Variants in TSPEAR observed in about 807,000 individuals in gnomAD.
TSPEAR encodes the protein thrombospondin-type laminin G domain and EAR repeat-containing protein.
TSPEAR carries 69 observed loss-of-function variants against 71.6 expected under a neutral mutation model. That is an observed-to-expected ratio of 0.96 (90% CI 0.79 to 1.18). The LOEUF (loss-of-function observed/expected upper bound fraction) is 1.18, where lower values mean the gene tolerates loss of function less well. Among genes scored for constraint, TSPEAR ranks in the 50% most tolerant of loss-of-function variants. The pLI, the probability that TSPEAR is intolerant of heterozygous loss-of-function variation, is 0.00. For missense variants in TSPEAR, 971 were observed against 894.9 expected, an observed-to-expected ratio of 1.09 and a Z score of -1.09; for synonymous variants, 402 against 387.2, an observed-to-expected ratio of 1.04 and a Z score of -0.45.
intron 1 of TSPEAR, among the ~76,000 whole-genome samples, chr21:44,615,320 C>T (rs917730991): frequency 2.6e-5 from 4 of 152,244 alleles, no homozygotes; most frequent in African/African-American, 9.6e-5. Context: ...AGCGCGAGTG[C>T]CCAGGCTGCG....
At chr21:44,654,004 G>C (rs1555941963) in intron 1 of TSPEAR, among the ~76,000 whole-genome samples, 1 of 152,238 alleles carries the variant, frequency 6.6e-6, no homozygotes, top group Non-Finnish European at 1.5e-5. Flanking sequence ...TGAGCACTCA[G>C]CATCTGGTAT....
intron 3 of TSPEAR, among the ~76,000 whole-genome samples, chr21:44,531,760 T>C (rs1215318152): frequency 3.9e-5 from 6 of 152,176 alleles, no homozygotes; most frequent in African/African-American, 1.4e-4. Flanking sequence ...CTGGGACAGA[T>C]GGCTTCAGGA....
intron 1 of TSPEAR, among the ~76,000 whole-genome samples, chr21:44,630,152 A>T (rs1006678187): frequency 1.3e-5 from 2 of 152,212 alleles, no homozygotes; most frequent in Non-Finnish European, 2.9e-5. Flanking sequence ...GGGCAGGGGC[A>T]TCCTGTGGTG....
chr21:44,587,670 A>AAT (rs1276566189), intron 1 of TSPEAR, among the ~76,000 whole-genome samples: 9 of 152,376 alleles, frequency 5.9e-5, no homozygotes, highest in African/African-American at 1.9e-4. Flanking sequence ...TTGGTATAAA[A>AAT]ATAGGCACAT....
At chr21:44,677,412 G>A (rs1986368769) in intron 1 of TSPEAR, 16 of 1,054,742 alleles carry the variant, frequency 1.5e-5, no homozygotes, top group South Asian at 7.7e-5. Flanking sequence ...AGCTGCAATC[G>A]CCTGCAGAGT....
chr21:44,671,665 A>C (rs73233100), intron 1 of TSPEAR, among the ~76,000 whole-genome samples: 5,993 of 152,280 alleles, frequency 0.039, 129 homozygotes, highest in Middle Eastern at 0.085. Flanking sequence ...AAGTATTCCA[A>C]CCAGCCACCG....
intron 2 of TSPEAR, among the ~76,000 whole-genome samples, chr21:44,538,812 C>T (rs1264917046): frequency 6.6e-6 from 1 of 152,174 alleles, no homozygotes; most frequent in Non-Finnish European, 1.5e-5. Flanking sequence ...GGGACTGAGC[C>T]TTCCTGGGAG....
intron 1 of TSPEAR, among the ~76,000 whole-genome samples, chr21:44,646,159 A>C (rs1174682013): frequency 1.4e-5 from 2 of 145,208 alleles, no homozygotes; most frequent in African/African-American, 5.1e-5. Flanking sequence ...AAAAAAGGAA[A>C]TATTTTCCAC....
At chr21:44,524,125 A>T (rs587662109) in intron 8 of TSPEAR, among the ~76,000 whole-genome samples, 18 of 150,880 alleles carry the variant, frequency 1.2e-4, no homozygotes, top group African/African-American at 4.2e-4. Context: ...TCAGATAGTC[A>T]GTCAGTCAGT....
rs781799799 is a variant in TSPEAR, at chr21:44,591,397, G to A, written c.83-23392C>T. Reference sequence around the variant, plus strand: ...TCACATCCAGGGCTGTCAGCAGCTGGACTTCTGGCCAGAGCAGAGGCTGTA... The same window carrying A: ...TCACATCCAGGGCTGTCAGCAGCTGAACTTCTGGCCAGAGCAGAGGCTGTA... On this transcript the variant is annotated intron_variant, in intron 1 of 11. Transcript: ENST00000323084. The A allele has an allele frequency of 3.1e-6, 5 of 1,606,488 alleles. No homozygotes were observed. In the South Asian group the frequency reaches 3.3e-5, roughly 11 times the overall value.
rs2052207518 is a variant in TSPEAR at position 44,506,570 on chromosome 21, C to T, written c.1755-1689G>A. On this transcript the variant is annotated intron_variant, in intron 10 of 11. Transcript: ENST00000323084. The surrounding 1 kb of genome is among the most constrained non-coding windows in gnomAD (Gnocchi z 4.2). Reference sequence around the variant, plus strand: ...GCAGAGCCCATGGGGCCTTGGGCTCCTCACTCCTTCGGTCAGTCAGGGTGA... The same window carrying T: ...GCAGAGCCCATGGGGCCTTGGGCTCTTCACTCCTTCGGTCAGTCAGGGTGA... 6.6e-6 allele frequency among the ~76,000 whole-genome samples: 1 copy of T among 152,224 alleles called. No homozygotes were observed. The highest frequency in any genetic ancestry group is 1.9e-4 in the East Asian group (1 of 5,186).
intron 2 of TSPEAR, chr21:44,558,387 C>T (rs781876299): frequency 1.9e-6 from 3 of 1,613,084 alleles, no homozygotes; most frequent in Non-Finnish European, 2.5e-6. Context: ...GACGGGCACA[C>T]AGCAGACTGG....
chr21:44,612,478 C>T lies in TSPEAR; in HGVS notation c.83-44473G>A. ...GCTGTGTGCCTGTGTGCTGCAAGTC[C>T]AACTGCTGCAAGCCCGTGTGCTGCG... is the stretch of plus-strand genomic sequence containing the variant. On this transcript the variant is annotated intron_variant, in intron 1 of 11. Transcript: ENST00000323084. The surrounding 1 kb of genome is among the most constrained non-coding windows in gnomAD (Gnocchi z 4.1). The T allele has an allele frequency of 6.2e-7, 1 of 1,609,538 alleles. No homozygotes were observed. The highest frequency in any genetic ancestry group is 8.5e-7 in the Non-Finnish European group (1 of 1,177,008).
At chr21:44,509,904 C>T (rs1426482584) in intron 9 of TSPEAR, 2 of 155,758 alleles carry the variant, frequency 1.3e-5, no homozygotes, top group African/African-American at 4.8e-5. Flanking sequence ...CTAGTCCCAG[C>T]CTCAGACACT....
chr21:44,708,850 C>T (rs1988071718), intron 1 of TSPEAR, among the ~76,000 whole-genome samples: 1 of 152,224 alleles, frequency 6.6e-6, no homozygotes, highest in South Asian at 2.1e-4. Flanking sequence ...GGGCAGGGGC[C>T]CTGGCCTGTG....
intron 11 of TSPEAR, among the ~76,000 whole-genome samples, chr21:44,502,988 T>G (rs868907393): frequency 0.027 from 389 of 14,474 alleles, no homozygotes; most frequent in South Asian, 0.035. Flanking sequence ...GAGCCCACAG[T>G]GGGGAAGCAA....
intron 1 of TSPEAR, chr21:44,627,556 G>A (rs369382210): frequency 3.1e-6 from 5 of 1,613,254 alleles, no homozygotes; most frequent in Non-Finnish European, 4.2e-6. Context: ...CTACCAGCCA[G>A]CTTGCTGTGC....
intron 9 of TSPEAR, among the ~76,000 whole-genome samples, chr21:44,514,808 T>C (rs587760280): frequency 2.6e-4 from 40 of 152,156 alleles, no homozygotes; most frequent in African/African-American, 9.4e-4. Context: ...CAGAAAGACT[T>C]TGAGGGCAGG....
At chr21:44,547,580 T>TA (rs1450797768) in intron 2 of TSPEAR, among the ~76,000 whole-genome samples, 1 of 152,230 alleles carries the variant, frequency 6.6e-6, no homozygotes, top group Non-Finnish European at 1.5e-5. Context: ...TATGTCAAGT[T>TA]AAAAAATAGT....
Sources: allele counts gnomAD v4.1 joint callset (sites outside exome capture counted in the v4.1 genomes callset), GRCh38; gene constraint gnomAD v4.1.1; non-coding constraint Gnocchi (gnomAD v3.1); transcripts MANE v1.5; gene names NCBI Gene and HGNC (gene_info 2026-07-23, HGNC 2026-07-21).